The following WWP2 variants were observed in gnomAD, a reference collection of about 807,000 sequenced individuals.
WWP2 encodes the protein NEDD4-like E3 ubiquitin-protein ligase WWP2.
WWP2 carries 57 observed loss-of-function variants against 121.0 expected under a neutral mutation model. That is an observed-to-expected ratio of 0.47 (90% CI 0.38 to 0.59). The LOEUF is 0.59. Ranked by LOEUF, WWP2 falls within the 20% of genes least tolerant of loss-of-function variation. The probability of loss-of-function intolerance (pLI) is 0.00; values close to 1 mark genes in which losing one functional copy is unlikely to be tolerated. For missense variants in WWP2, 962 were observed against 1,158.9 expected, an observed-to-expected ratio of 0.83 and a Z score of 2.47; for synonymous variants, 449 against 441.3, an observed-to-expected ratio of 1.02 and a Z score of -0.22.
Position 69,925,849 on chromosome 16 carries a change from G to T in WWP2, c.1234+365G>T. 4.9e-6 allele frequency: 1 copy of T among 205,430 alleles called. No homozygotes were observed. The highest frequency in any genetic ancestry group is 9.7e-6 in the Non-Finnish European group (1 of 103,446). The allele number at this position is 205,430 out of a possible 1,614,324, so 12.7% of individuals were successfully genotyped here. On this transcript the variant is annotated intron_variant, in intron 11 of 23. Coordinates refer to ENST00000359154, the MANE Select transcript of WWP2 (RefSeq NM_001270454.2). This position sits in a 1 kb window ranked among gnomAD's most constrained non-coding sequence, Gnocchi z 4.0. ...TTTTGACACTGCCTAACTCCCAAAT[G>T]GATTTGTTTCAGATCTGTGACCGTA...
chr16:69,891,946 C>T (rs1478903135), intron 8 of WWP2, among the ~76,000 whole-genome samples: 1 of 152,208 alleles, frequency 6.6e-6, no homozygotes, highest in East Asian at 1.9e-4. Context: ...TGTGCTGTCT[C>T]AGCTTCCCAT....
chr16:69,774,580 A>C (rs1221612740), intron 1 of WWP2: 1 of 152,098 alleles, frequency 6.6e-6, no homozygotes, highest in African/African-American at 2.4e-5. Context: ...ATCTATCTGA[A>C]TGTTTTGCAG....
At chr16:69,929,768 G>T (rs2058686986) in intron 12 of WWP2, among the ~76,000 whole-genome samples, 1 of 152,178 alleles carries the variant, frequency 6.6e-6, no homozygotes, top group Non-Finnish European at 1.5e-5. Context: ...GGCGGGTGTT[G>T]CTGGTCTCCA....
At chr16:69,917,356 G>A (rs1451243024) in intron 9 of WWP2, among the ~76,000 whole-genome samples, 2 of 152,320 alleles carry the variant, frequency 1.3e-5, no homozygotes, top group Admixed American at 1.3e-4. Context: ...CAGAAAGGAT[G>A]AGCAACTATT....
intron 6 of WWP2, 25 bp from the exon 7 acceptor site, chr16:69,871,779 T>C (rs763084660): frequency 4.3e-6 from 7 of 1,613,490 alleles, no homozygotes; most frequent in Non-Finnish European, 5.1e-6. Flanking sequence ...CTTATGTCTG[T>C]CTGCTTTCTA....
At chr16:69,818,229 A>G (rs1183339250) in intron 4 of WWP2, among the ~76,000 whole-genome samples, 1 of 151,784 alleles carries the variant, frequency 6.6e-6, no homozygotes. Context: ...TTTTTATGAG[A>G]TGGAGTCTTG....
rs386384998 is a variant in WWP2 at position 69,795,649 on chromosome 16, GT to G, written c.71-3007del. On this transcript the variant is annotated intron_variant, in intron 2 of 23. Transcript: ENST00000359154. ...TAGATTGGAAACTTAAAAATAGGAG[GT>G]TTTTTTTTTTTTTTTTTTTTTTTTT... Among the ~76,000 whole-genome samples the G allele has an allele frequency of 6.4e-4, 43 of 66,946 alleles. No individual in the cohort carries two copies. The South Asian group carries it at 0.01, about 16-fold the overall frequency. The allele number at this position is 66,946 out of a possible 152,430, so 43.9% of individuals were successfully genotyped here. A position where few individuals can be genotyped will look rare whatever the true frequency, so the allele number is the denominator to read the frequency against.
intron 1 of WWP2, among the ~76,000 whole-genome samples, chr16:69,784,474 A>G (rs2055739883): frequency 6.6e-6 from 1 of 152,156 alleles, no homozygotes; most frequent in Non-Finnish European, 1.5e-5. Context: ...TCCAGAAGCA[A>G]AGGTGAGTAA....
In WWP2 at chr16:69,939,091, G is replaced by A. The variant is rs770910169; in HGVS notation, c.2408G>A (p.Arg803His). ...RLLQFVTGTC[R>H]LPVGGFAELI... ...CTGCAGTTTGTCACCGGTACCTGCC[G>A]CCTGCCCGTCGGGGGATTTGCCGAA... The change falls in exon 22 of 24, where the codon CGC becomes CAC. Residue 803 changes from arginine (R) to histidine (H), a missense_variant. This residue lies in a region of WWP2 where 606 missense variants were observed against 772.6 expected (regional missense o/e 0.78). Coordinates refer to ENST00000359154, the MANE Select transcript of WWP2 (RefSeq NM_001270454.2). 1.9e-6 allele frequency: 3 copies of A among 1,605,760 alleles called. No individual in the cohort carries two copies. Among genetic ancestry groups the A allele is most frequent in the South Asian group, 1.1e-5 (1 of 89,708 alleles).
At chr16:69,910,443 C>G (rs192426673) in intron 9 of WWP2, 17 of 866,082 alleles carry the variant, frequency 2.0e-5, no homozygotes, top group Non-Finnish European at 2.4e-5. Context: ...GAGTCTCGCT[C>G]TGTTGCCCAG....
chr16:69,807,186 T>G (rs2056296574), intron 4 of WWP2, among the ~76,000 whole-genome samples: 1 of 151,838 alleles, frequency 6.6e-6, no homozygotes, highest in Non-Finnish European at 1.5e-5. Flanking sequence ...CAGGCACACG[T>G]CACCATGCCC....
At chr16:69,890,121 A>ATTTT (rs57520353) in intron 8 of WWP2, among the ~76,000 whole-genome samples, 1 of 133,114 alleles carries the variant, frequency 7.5e-6, no homozygotes, top group African/African-American at 2.8e-5. Flanking sequence ...TGCCTGGATA[A>ATTTT]TTTTTTTTTT....
chr16:69,875,250 G>T (rs140797145), intron 7 of WWP2, among the ~76,000 whole-genome samples: 164 of 152,288 alleles, frequency 1.1e-3, no homozygotes, highest in African/African-American at 3.8e-3. Context: ...TCTAAAAAAT[G>T]TATACACTTT....
intron 4 of WWP2, among the ~76,000 whole-genome samples, chr16:69,835,462 A>G (rs2056859787): frequency 6.6e-6 from 1 of 152,202 alleles, no homozygotes; most frequent in Non-Finnish European, 1.5e-5. Context: ...TAACCTTGCC[A>G]ATTTAAAAAA....
Position 69,795,257 on chromosome 16 carries a change from GAT to G in WWP2, c.71-3423_71-3422del, listed in dbSNP as rs1328924173. ...GGTTTTACCTAGGAAAAAAAATGCG[GAT>G]ACACACACACACACACACACACACA... On this transcript the variant is annotated intron_variant, in intron 2 of 23. Transcript: ENST00000359154. 8.8e-3 allele frequency among the ~76,000 whole-genome samples: 496 copies of G among 56,556 alleles called. 1 individual carries two copies. The highest frequency in any genetic ancestry group is 0.015 in the South Asian group (23 of 1,522). 37.1% of individuals were successfully genotyped at this position (56,556 alleles called of 152,430 possible). A position where few individuals can be genotyped will look rare whatever the true frequency, so the allele number is the denominator to read the frequency against.
intron 2 of WWP2, among the ~76,000 whole-genome samples, chr16:69,797,122 A>G (rs2056064022): frequency 6.6e-6 from 1 of 152,212 alleles, no homozygotes; most frequent in Non-Finnish European, 1.5e-5. Context: ...CACCAGGGGT[A>G]ATATACACTA....
rs1446112161 is a variant in WWP2, at chr16:69,888,063, C to T, written c.728C>T (p.Thr243Ile). Residue 243 changes from threonine to isoleucine, a missense_variant, in exon 8 of 24, where the codon ACT (threonine) becomes ATT (isoleucine). Coordinates refer to ENST00000359154, the MANE Select transcript of WWP2 (RefSeq NM_001270454.2). ...GTGAATGATGAACCCACAACAGCCA[C>T]TGATCCCGAAGAACCTTCCGTTGTT... ...GTVNDEPTTA[T>I]DPEEPSVVGV... The T allele has an allele frequency of 6.2e-7, 1 of 1,614,244 alleles. No homozygotes were observed. The highest frequency in any genetic ancestry group is 1.1e-5 in the South Asian group (1 of 91,088).
At chr16:69,805,171 C>A (rs946141077) in intron 4 of WWP2, among the ~76,000 whole-genome samples, 5 of 151,944 alleles carry the variant, frequency 3.3e-5, no homozygotes, top group Admixed American at 6.6e-5. Context: ...TACTGAGTAG[C>A]TGGGATTACA....
Position 69,798,758 on chromosome 16 carries a change from C to G in WWP2, c.147C>G (p.Leu49=), listed in dbSNP as rs528276414. Residue 49 remains leucine, a synonymous_variant, in exon 3 of 24, where the codon CTC becomes CTG. Coordinates refer to ENST00000359154, the MANE Select transcript of WWP2 (RefSeq NM_001270454.2). ...NSYVEVAVDG[L]PSETKKTGKR... The stretch of plus-strand genomic sequence containing the variant: ...ACGTGGAGGTGGCGGTGGATGGACT[C>G]CCCAGTGAGACCAAGAAGACTGGGA... The G allele has an allele frequency of 6.2e-6, 10 of 1,613,906 alleles. No homozygotes were observed. Among genetic ancestry groups the G allele is most frequent in the Admixed American group, 1.7e-5 (1 of 59,988 alleles).
Sources: allele counts gnomAD v4.1 joint callset (sites outside exome capture counted in the v4.1 genomes callset), GRCh38; gene constraint gnomAD v4.1.1; regional missense constraint gnomAD v4.1.1; non-coding constraint Gnocchi (gnomAD v3.1); transcripts MANE v1.5; gene names NCBI Gene and HGNC (gene_info 2026-07-23, HGNC 2026-07-21).